ZMAT4: variants seen among roughly 807,000 people sequenced by gnomAD.
ZMAT4 encodes the protein zinc finger matrin-type 4.
In ZMAT4, 17 loss-of-function variants were observed where a neutral mutation model predicts 28.7. The observed-to-expected ratio is 0.59, with a 90% CI of 0.41 to 0.89. The LOEUF is 0.89. ZMAT4 is among the 40% of genes least tolerant of loss of function. ZMAT4 has a pLI of 0.00. For missense variants in ZMAT4, 240 were observed against 283.8 expected, an observed-to-expected ratio of 0.85 and a Z score of 1.11; for synonymous variants, 117 against 109.2, an observed-to-expected ratio of 1.07 and a Z score of -0.44.
At chr8:40,875,861 G>T (rs923713977) in intron 1 of ZMAT4, among the ~76,000 whole-genome samples, 1 of 152,214 alleles carries the variant, frequency 6.6e-6, no homozygotes, top group Non-Finnish European at 1.5e-5. Flanking sequence ...GTCCACGATT[G>T]TGTTGAATTA....
At chr8:40,753,421 G>A (rs891204888) in intron 3 of ZMAT4, among the ~76,000 whole-genome samples, 22 of 152,096 alleles carry the variant, frequency 1.4e-4, no homozygotes, top group African/African-American at 4.1e-4. Context: ...CAAGCATCAC[G>A]TATTCAGGAA....
intron 6 of ZMAT4, among the ~76,000 whole-genome samples, chr8:40,548,923 G>A (rs1803283759): frequency 6.6e-6 from 1 of 152,172 alleles, no homozygotes; most frequent in Admixed American, 6.5e-5. Flanking sequence ...TTCAAGAGAA[G>A]CAAGCTAACC....
chr8:40,783,284 G>A (rs533648345), intron 2 of ZMAT4, among the ~76,000 whole-genome samples: 19 of 152,128 alleles, frequency 1.2e-4, no homozygotes, highest in African/African-American at 4.1e-4. Flanking sequence ...ATTACACTAC[G>A]TGACAGAAGT....
At chr8:40,787,821 T>A (rs772513372) in intron 2 of ZMAT4, among the ~76,000 whole-genome samples, 2 of 152,208 alleles carry the variant, frequency 1.3e-5, no homozygotes, top group Middle Eastern at 3.2e-3. Flanking sequence ...TTTCATGTGC[T>A]GCTCAGGAAA....
chr8:40,822,279 C>T (rs984801450), intron 2 of ZMAT4, among the ~76,000 whole-genome samples: 9 of 152,156 alleles, frequency 5.9e-5, no homozygotes, highest in Non-Finnish European at 8.8e-5. Flanking sequence ...TTCAGAATCC[C>T]CTGCAATAAC....
rs765585811 is a variant in ZMAT4 at position 40,825,689 on chromosome 8, G to C, written c.-4-9C>G. The C allele has an allele frequency of 3.4e-5, 52 of 1,547,818 alleles. No homozygotes were observed. The highest frequency in any genetic ancestry group is 1.4e-4 in the Admixed American group (7 of 50,760). ...CGGAGGACTTCATCAGGCTACAAGA[G>C]AATCAACAGAAAAGAAAAATGAGTC... On this transcript the variant is annotated splice_polypyrimidine_tract_variant and intron_variant, in intron 1 of 6. Transcript: ENST00000297737.
intron 1 of ZMAT4, among the ~76,000 whole-genome samples, chr8:40,856,587 C>A (rs891397956): frequency 1.3e-5 from 2 of 152,136 alleles, no homozygotes; most frequent in African/African-American, 4.8e-5. Flanking sequence ...TGACTACAGG[C>A]AGGTGGTAGC....
chr8:40,718,747 A>G (rs954694757), intron 3 of ZMAT4, among the ~76,000 whole-genome samples: 2 of 152,188 alleles, frequency 1.3e-5, no homozygotes, highest in South Asian at 2.1e-4. Context: ...ACAAAGTAAA[A>G]TGTGCAAACA....
chr8:40,861,760 G>C (rs533436900), intron 1 of ZMAT4, among the ~76,000 whole-genome samples: 1 of 152,218 alleles, frequency 6.6e-6, no homozygotes, highest in Admixed American at 6.5e-5. Context: ...GTGGGCAAAG[G>C]ATATGAACAG....
intron 6 of ZMAT4, among the ~76,000 whole-genome samples, chr8:40,557,668 C>T (rs1803591748): frequency 6.6e-6 from 1 of 152,154 alleles, no homozygotes; most frequent in Non-Finnish European, 1.5e-5. Context: ...GCATTTCCCA[C>T]CTTATAATAA....
At position 40,589,763 on chromosome 8, in the gene ZMAT4, T is replaced by TC. The variant is rs71224835; in HGVS notation, c.578-8503_578-8502insG. Among the ~76,000 whole-genome samples the TC allele has an allele frequency of 6.4e-4, 18 of 27,976 alleles. No individual in the cohort carries two copies. The South Asian group carries it at 0.021, about 33-fold the overall frequency. The allele number at this position is 27,976 out of a possible 152,430, so 18.4% of individuals were successfully genotyped here. A position where few individuals can be genotyped will look rare whatever the true frequency, so the allele number is the denominator to read the frequency against. On this transcript the variant is annotated intron_variant, in intron 5 of 6. Coordinates refer to ENST00000297737, the MANE Select transcript of ZMAT4 (RefSeq NM_024645.3). ...TTCTTTCTTTCTTTCTTTCTTTCTT[T>TC]TTCTTTCTTTCTTTCCTTTCTTTCT...
intron 1 of ZMAT4, among the ~76,000 whole-genome samples, chr8:40,895,524 C>T (rs1818836940): frequency 6.6e-6 from 1 of 152,002 alleles, no homozygotes; most frequent in South Asian, 2.1e-4. Flanking sequence ...ATCTCTGTTC[C>T]GAATGGGGAA....
chr8:40,676,063 C>T (rs1808894156), intron 4 of ZMAT4, among the ~76,000 whole-genome samples: 1 of 152,156 alleles, frequency 6.6e-6, no homozygotes, highest in Non-Finnish European at 1.5e-5. Context: ...TTACAACATA[C>T]AAGTTGCTTC....
intron 1 of ZMAT4, among the ~76,000 whole-genome samples, chr8:40,850,542 A>G (rs1251677398): frequency 6.6e-6 from 1 of 152,054 alleles, no homozygotes; most frequent in Non-Finnish European, 1.5e-5. Context: ...TGGGGTAGAG[A>G]TCTCTTCTAT....
chr8:40,870,921 G>T (rs568529881), intron 1 of ZMAT4, among the ~76,000 whole-genome samples: 1 of 152,254 alleles, frequency 6.6e-6, no homozygotes, highest in African/African-American at 2.4e-5. Context: ...TGGGTCACTT[G>T]CCCATTTTGC....
chr8:40,842,041 C>G (rs962019237), intron 1 of ZMAT4, among the ~76,000 whole-genome samples: 1 of 152,222 alleles, frequency 6.6e-6, no homozygotes, highest in African/African-American at 2.4e-5. Context: ...TGATCAGAAA[C>G]AGGTCTGGGT....
intron 1 of ZMAT4, among the ~76,000 whole-genome samples, chr8:40,839,635 G>C (rs1816625971): frequency 6.6e-6 from 1 of 152,196 alleles, no homozygotes; most frequent in Non-Finnish European, 1.5e-5. Flanking sequence ...GTCATAAAAA[G>C]AATGAAATCA....
At chr8:40,777,346 T>C (rs1813641377) in intron 2 of ZMAT4, among the ~76,000 whole-genome samples, 1 of 152,180 alleles carries the variant, frequency 6.6e-6, no homozygotes, top group Non-Finnish European at 1.5e-5. Context: ...CAGAAGGCCT[T>C]TCCTGACATC....
At chr8:40,605,782 T>C (rs1037272205) in intron 5 of ZMAT4, among the ~76,000 whole-genome samples, 11 of 152,288 alleles carry the variant, frequency 7.2e-5, no homozygotes, top group African/African-American at 2.4e-4. Flanking sequence ...CCCATTATTA[T>C]TGTGTTGCTG....
Sources: gnomAD v4.1 joint callset for allele counts (sites outside exome capture counted in the v4.1 genomes callset) on GRCh38, gnomAD v4.1.1 for gene constraint, MANE v1.5 for transcripts, NCBI Gene and HGNC (gene_info 2026-07-23, HGNC 2026-07-21) for gene names.